The following PLAC8L1 variants were observed in gnomAD, a reference collection of about 807,000 sequenced individuals.
PLAC8L1 encodes the protein PLAC8 like 1, also known as PLAC8-like protein 1.
Under a neutral mutation model 16.3 loss-of-function variants are expected in PLAC8L1, and 13 were observed. The ratio of observed to expected loss-of-function variants is 0.80; its 90% confidence interval spans 0.52 to 1.27. PLAC8L1 has a LOEUF of 1.27. PLAC8L1 is among the 50% of genes most tolerant of loss of function. The pLI, the probability that PLAC8L1 is intolerant of heterozygous loss-of-function variation, is 0.00. For synonymous variants in PLAC8L1, 78 were observed against 79.3 expected (o/e 0.98, Z 0.09); for missense variants, 184 against 220.2 (o/e 0.84, Z 1.04).
intron 2 of PLAC8L1, among the ~76,000 whole-genome samples, chr5:146,097,920 C>T (rs2150036932): frequency 6.6e-6 from 1 of 152,316 alleles, no homozygotes; most frequent in African/African-American, 2.4e-5. Context: ...ACTTTGCCAA[C>T]AGTGGAGTCT....
intron 2 of PLAC8L1, among the ~76,000 whole-genome samples, chr5:146,088,712 C>T (rs141250240): frequency 1.3e-5 from 2 of 152,168 alleles, no homozygotes. Flanking sequence ...ACTCTGAATT[C>T]AGTCTCAAAT....
intron 2 of PLAC8L1, among the ~76,000 whole-genome samples, chr5:146,094,254 G>C (rs34516108): frequency 4.0e-5 from 6 of 151,898 alleles, no homozygotes. Flanking sequence ...AGCTAATTTT[G>C]TATTTTCAGT....
At chr5:146,087,169 T>C (rs1763531231) in intron 2 of PLAC8L1, among the ~76,000 whole-genome samples, 1 of 152,252 alleles carries the variant, frequency 6.6e-6, no homozygotes, top group Admixed American at 6.5e-5. Context: ...CAACATCATG[T>C]TTTTGATGCA....
At chr5:146,104,046 C>T in intron 1 of PLAC8L1, 147 bp downstream of exon 1, 1 of 1,399,578 alleles carries the variant, frequency 7.1e-7, no homozygotes, top group Non-Finnish European at 9.3e-7. Context: ...ATCAGTTGCC[C>T]TCTTTTCAAG....
chr5:146,091,350 T>C (rs1330072336), intron 2 of PLAC8L1, among the ~76,000 whole-genome samples: 2 of 152,198 alleles, frequency 1.3e-5, no homozygotes, highest in Non-Finnish European at 2.9e-5. Context: ...AAATAAACTA[T>C]AATGGTATAA....
chr5:146,100,476 A>G (rs1160068146), intron 1 of PLAC8L1, among the ~76,000 whole-genome samples: 4 of 147,776 alleles, frequency 2.7e-5, no homozygotes, highest in Non-Finnish European at 1.5e-5. Flanking sequence ...TTAATGCTCA[A>G]TTAAACACAA....
chr5:146,093,381 T>C (rs1763654740), intron 2 of PLAC8L1, among the ~76,000 whole-genome samples: 2 of 152,112 alleles, frequency 1.3e-5, no homozygotes, highest in African/African-American at 4.8e-5. Context: ...AAAATAATTT[T>C]TTAAGGTGCT....
In PLAC8L1 at chr5:146,089,708, T is replaced by G. The variant is rs572122704; in HGVS notation, c.257-4111A>C. Reference sequence around the variant, plus strand: ...TATCACCACTTTACATTTATTCCTGTGGGGTAGTCTTAAGTCAGGCAACTT... The same window carrying G: ...TATCACCACTTTACATTTATTCCTGGGGGGTAGTCTTAAGTCAGGCAACTT... On this transcript the variant is annotated intron_variant, in intron 2 of 3. Coordinates refer to ENST00000311450, the MANE Select transcript of PLAC8L1 (RefSeq NM_001029869.3). Among the ~76,000 whole-genome samples, 17 of 151,790 alleles carry G rather than the reference T, an allele frequency of 1.1e-4. No individual in the cohort carries two copies. In the South Asian group the frequency reaches 3.5e-3, roughly 32 times the overall value.
At chr5:146,104,136 A>C in intron 1 of PLAC8L1, 57 bp downstream of exon 1, 1 of 1,592,384 alleles carries the variant, frequency 6.3e-7, no homozygotes, top group East Asian at 2.3e-5. Flanking sequence ...GTAGAGGTTG[A>C]TTCGATAGTC....
At chr5:146,104,167 G>C in intron 1 of PLAC8L1, 26 bp downstream of exon 1, 2 of 1,609,996 alleles carry the variant, frequency 1.2e-6, no homozygotes, top group Non-Finnish European at 8.5e-7. Flanking sequence ...GCAAAAGCTA[G>C]GGGAAAAACT....
intron 3 of PLAC8L1, 147 bp downstream of exon 3, chr5:146,085,314 T>C (rs1580969941): frequency 2.5e-6 from 2 of 795,352 alleles, no homozygotes; most frequent in Non-Finnish European, 3.8e-6. Flanking sequence ...AATTTTTAAA[T>C]GTATTTCCTT....
intron 1 of PLAC8L1, 85 bp from the exon 2 acceptor site, chr5:146,098,377 G>C (rs1763753120): frequency 7.1e-7 from 1 of 1,407,354 alleles, no homozygotes; most frequent in Admixed American, 2.0e-5. Context: ...CCATAAAGAA[G>C]AGATAGGGAC....
intron 2 of PLAC8L1, among the ~76,000 whole-genome samples, chr5:146,088,968 T>TA (rs968563274): frequency 1.1e-4 from 17 of 151,922 alleles, no homozygotes; most frequent in Non-Finnish European, 2.5e-4. Flanking sequence ...TCCCTGTAAA[T>TA]AAAAAAAATT....
chr5:146,089,941 G>A (rs546889325), intron 2 of PLAC8L1, among the ~76,000 whole-genome samples: 7 of 151,884 alleles, frequency 4.6e-5, no homozygotes, highest in African/African-American at 1.4e-4. Context: ...GTTTCACCAC[G>A]TTGGCCAGGC....
At position 146,090,100 on chromosome 5, in the gene PLAC8L1, T is replaced by A. The variant is rs375673247; in HGVS notation, c.257-4503A>T. On this transcript the variant is annotated intron_variant, in intron 2 of 3. Transcript: ENST00000311450. ...CTGCTCTGTACTGTGAGGAATGCAGTGGGATATGGAAACACTGTCAGGTCA... is the reference window on the plus strand; with the variant it reads ...CTGCTCTGTACTGTGAGGAATGCAGAGGGATATGGAAACACTGTCAGGTCA... Among the ~76,000 whole-genome samples, 3 of 152,192 alleles carry A rather than the reference T, an allele frequency of 2.0e-5. No homozygotes were observed. The East Asian group carries it at 5.8e-4, about 29-fold the overall frequency.
chr5:146,097,545 T>A (rs956046854), intron 2 of PLAC8L1, among the ~76,000 whole-genome samples: 1 of 152,280 alleles, frequency 6.6e-6, no homozygotes, highest in Non-Finnish European at 1.5e-5. Flanking sequence ...CGGTATCTAC[T>A]GTGCACAGTT....
At position 146,084,408 on chromosome 5, in the gene PLAC8L1, T is replaced by A. The variant is rs952299750; in HGVS notation, c.*24A>T. ...GGTTTGAGAGGAGGGTGTTGGGGAG[T>A]AAGGAGGAGGAGTTATCTTGCTGTC... On this transcript the variant is annotated 3_prime_UTR_variant, in exon 4 of 4. Coordinates refer to ENST00000311450, the MANE Select transcript of PLAC8L1 (RefSeq NM_001029869.3). The A allele has an allele frequency of 6.2e-7, 1 of 1,609,364 alleles. No homozygotes were observed. The highest frequency in any genetic ancestry group is 1.3e-5 in the African/African-American group (1 of 74,518).
At chr5:146,086,328 C>T (rs1205777619) in intron 2 of PLAC8L1, among the ~76,000 whole-genome samples, 1 of 152,126 alleles carries the variant, frequency 6.6e-6, no homozygotes, top group Non-Finnish European at 1.5e-5. Context: ...CGCGCCCGGC[C>T]GAAAGGTCTT....
At chr5:146,086,358 C>A (rs966036538) in intron 2 of PLAC8L1, among the ~76,000 whole-genome samples, 16 of 152,194 alleles carry the variant, frequency 1.1e-4, no homozygotes, top group Non-Finnish European at 1.6e-4. Flanking sequence ...ACTAATTCTG[C>A]CTCCTATTCT....
Sources: gnomAD v4.1 joint callset for allele counts (sites outside exome capture counted in the v4.1 genomes callset) on GRCh38, gnomAD v4.1.1 for gene constraint, MANE v1.5 for transcripts, NCBI Gene and HGNC (gene_info 2026-07-23, HGNC 2026-07-21) for gene names.